The following KLHL15 variants were observed in gnomAD, a reference collection of about 807,000 sequenced individuals.
KLHL15 encodes the protein kelch-like protein 15.
KLHL15 carries 1 observed loss-of-function variant against 29.3 expected under a neutral mutation model. The ratio of observed to expected loss-of-function variants is 0.03; its 90% CI spans 0.01 to 0.16. KLHL15 has a LOEUF of 0.16. Ranked by LOEUF, KLHL15 falls within the 10% of genes least tolerant of loss-of-function variation. KLHL15 has a pLI of 1.00. For missense variants in KLHL15, 215 were observed against 478.5 expected (o/e 0.45, Z 5.14); for synonymous variants, 212 against 184.5 (o/e 1.15, Z -1.21).
chrX:23,998,812 C>G (rs1345032197), intron 3 of KLHL15, among the ~76,000 whole-genome samples: 3 of 112,032 alleles, frequency 2.7e-5, no homozygotes, highest in Non-Finnish European at 5.6e-5. Flanking sequence ...AACCTTTTCT[C>G]CAGTCATTTC....
chrX:24,026,099 G>C (rs1325856468), intron 1 of KLHL15, among the ~76,000 whole-genome samples: 1 of 112,256 alleles, frequency 8.9e-6, no homozygotes, highest in Non-Finnish European at 1.9e-5. Context: ...AAAGTGACTA[G>C]ATCTGCGCCA....
chrX:24,013,516 G>A (rs1164613751), intron 2 of KLHL15, among the ~76,000 whole-genome samples: 2 of 110,086 alleles, frequency 1.8e-5, no homozygotes, highest in East Asian at 5.7e-4. Flanking sequence ...TGCCTGCCTC[G>A]GCCTCCCAAA....
chrX:24,022,321 C>G (rs752410312), intron 2 of KLHL15, among the ~76,000 whole-genome samples: 1 of 89,216 alleles, frequency 1.1e-5, no homozygotes, highest in South Asian at 6.3e-4. Context: ...GGAGACAGAG[C>G]AAGACTGTGT....
At chrX:24,025,101 G>A (rs1444753918) in intron 1 of KLHL15, 43 bp from the exon 2 acceptor site, 8 of 295,218 alleles carry the variant, frequency 2.7e-5, no homozygotes, top group South Asian at 2.0e-4. Context: ...CAGACAGTCG[G>A]GCTCCGCACG....
chrX:23,992,326 G>C (rs1184522460), intron 3 of KLHL15, among the ~76,000 whole-genome samples: 1 of 112,095 alleles, frequency 8.9e-6, no homozygotes, highest in Non-Finnish European at 1.9e-5. Flanking sequence ...AAAAGTATCA[G>C]CTATTATTAG....
intron 2 of KLHL15, among the ~76,000 whole-genome samples, chrX:24,015,593 TAGTA>T (rs926255029): frequency 9.8e-5 from 11 of 112,554 alleles, no homozygotes; most frequent in South Asian, 3.6e-4. Flanking sequence ...TAGATGGTAG[TAGTA>T]AGTAAGGGTA....
chrX:23,999,042 G>T (rs1339761864), intron 3 of KLHL15, among the ~76,000 whole-genome samples: 6 of 110,571 alleles, frequency 5.4e-5, no homozygotes, highest in African/African-American at 2.0e-4. Flanking sequence ...GTGTAGCTGG[G>T]ATTACAGGCG....
chrX:23,995,905 G>A (rs1929178939), intron 3 of KLHL15, among the ~76,000 whole-genome samples: 1 of 110,623 alleles, frequency 9.0e-6, no homozygotes, highest in South Asian at 3.8e-4. Flanking sequence ...ATGCCACCAT[G>A]CCCGGCTAAT....
In KLHL15 at chrX:23,989,153, C is replaced by T. The variant is rs894532438; in HGVS notation, c.706-123G>A. On this transcript the variant is annotated intron_variant, in intron 3 of 3. Coordinates refer to ENST00000328046, the MANE Select transcript of KLHL15 (RefSeq NM_030624.3). ...CTAAAACTGCTTTTCCTGCTAAGAT[C>T]ACCTACTTTCTTTTGTTTTCTACAA... is the stretch of plus-strand genomic sequence containing the variant. 6 of 532,375 alleles carry T rather than the reference C, an allele frequency of 1.1e-5. No individual in the cohort carries two copies. In the African/African-American group the frequency reaches 1.4e-4, roughly 13 times the overall value. The allele number at this position is 532,375 out of a possible 1,213,427, so 43.9% of individuals were successfully genotyped here.
chrX:23,988,269 C>T lies in KLHL15; in HGVS notation c.1467G>A (p.Lys489=), dbSNP rs769789001. 3 of 1,211,634 alleles carry T rather than the reference C, an allele frequency of 2.5e-6. No individual in the cohort carries two copies. Residue 489 remains lysine (K), a synonymous_variant, in exon 4 of 4, where the codon AAG becomes AAA. Coordinates refer to ENST00000328046, the MANE Select transcript of KLHL15 (RefSeq NM_030624.3). ...CACAGACACCACCGAAGACATAAAGCTTGCCATTGTAAGAAATCATCTTGT... is the reference window on the plus strand; with the variant it reads ...CACAGACACCACCGAAGACATAAAGTTTGCCATTGTAAGAAATCATCTTGT... ...CFHKMISYNG[K]LYVFGGVCVI... is the part of the protein sequence containing the mutation.
intron 2 of KLHL15, among the ~76,000 whole-genome samples, chrX:24,007,561 AC>A (rs1929479568): frequency 2.0e-5 from 2 of 101,388 alleles, no homozygotes; most frequent in Middle Eastern, 4.8e-3. Flanking sequence ...TTGTTATCTT[AC>A]AAATAATATA....
intron 2 of KLHL15, 83 bp from the exon 3 acceptor site, chrX:24,006,783 G>T: frequency 1.3e-6 from 1 of 777,407 alleles, no homozygotes. Context: ...AACAATTTTT[G>T]CTATTATCTC....
In KLHL15 at chrX:23,987,914, G is replaced by GAT; in HGVS notation, c.*5_*6dup. 1 of 1,179,792 alleles carries GAT rather than the reference G, an allele frequency of 8.5e-7. No homozygotes were observed. Among genetic ancestry groups the GAT allele is most frequent in the Non-Finnish European group, 1.1e-6 (1 of 878,263 alleles). ...GTTTGCCTCTTTTTTTAGGGAGGAG[G>GAT]ATGTCATTAGTTGCAACGCCTGACC... On this transcript the variant is annotated 3_prime_UTR_variant, in exon 4 of 4. Transcript: ENST00000328046.
At chrX:24,019,639 G>A (rs993726477) in intron 2 of KLHL15, among the ~76,000 whole-genome samples, 3 of 104,710 alleles carry the variant, frequency 2.9e-5, no homozygotes, top group East Asian at 2.9e-4. Context: ...TAAGAGATAA[G>A]TGACAACACA....
At chrX:24,010,437 C>T (rs916674014) in intron 2 of KLHL15, among the ~76,000 whole-genome samples, 7 of 112,168 alleles carry the variant, frequency 6.2e-5, no homozygotes, top group African/African-American at 2.3e-4. Flanking sequence ...TTGGCAGTTT[C>T]GTCCACCGAA....
chrX:24,002,283 TTCACA>T (rs1929343994), intron 3 of KLHL15, among the ~76,000 whole-genome samples: 1 of 112,424 alleles, frequency 8.9e-6, no homozygotes, highest in African/African-American at 3.2e-5. Flanking sequence ...TATTTAAATC[TTCACA>T]TCACTGAAAT....
At position 23,986,804 on chromosome X, in the gene KLHL15, T is replaced by C. The variant is rs779484710; in HGVS notation, c.*1117A>G. 7 of 111,801 alleles carry C rather than the reference T, an allele frequency of 6.3e-5. No homozygotes were observed. The highest frequency in any genetic ancestry group is 1.3e-4 in the Non-Finnish European group (7 of 53,153). 9.2% of individuals were successfully genotyped at this position (111,801 alleles called of 1,213,427 possible). A position where few individuals can be genotyped will look rare whatever the true frequency, so the allele number is the denominator to read the frequency against. Reference sequence around the variant, plus strand: ...CTAAGAGTTTCTACCTTCCATTCAATAACAAATGCAGCAGCCTTACTGAAT... The same window carrying C: ...CTAAGAGTTTCTACCTTCCATTCAACAACAAATGCAGCAGCCTTACTGAAT... On this transcript the variant is annotated 3_prime_UTR_variant, in exon 4 of 4. Coordinates refer to ENST00000328046, the MANE Select transcript of KLHL15 (RefSeq NM_030624.3).
chrX:23,990,251 A>G (rs1929054763), intron 3 of KLHL15, among the ~76,000 whole-genome samples: 3 of 112,158 alleles, frequency 2.7e-5, no homozygotes, highest in African/African-American at 9.7e-5. Context: ...CCTAGAATGT[A>G]TTTGGGAAAG....
At chrX:24,003,450 G>A (rs1428371636) in intron 3 of KLHL15, among the ~76,000 whole-genome samples, 30 of 108,308 alleles carry the variant, frequency 2.8e-4, no homozygotes, top group Non-Finnish European at 5.7e-4. Context: ...CTACTCAGGA[G>A]GCTGAGGCAG....
Sources: gnomAD v4.1 joint callset for allele counts (sites outside exome capture counted in the v4.1 genomes callset) on GRCh38, gnomAD v4.1.1 for gene constraint, MANE v1.5 for transcripts, NCBI Gene and HGNC (gene_info 2026-07-23, HGNC 2026-07-21) for gene names.